Variants in RASGEF1A observed in about 807,000 individuals in gnomAD.
The protein encoded by RASGEF1A is ras-GEF domain-containing family member 1A.
In RASGEF1A, 18 loss-of-function variants were observed where a neutral mutation model predicts 56.4. The observed-to-expected ratio is 0.32, with a 90% CI of 0.22 to 0.47. RASGEF1A has a LOEUF of 0.47. Among genes scored for constraint, RASGEF1A ranks in the 20% least tolerant of loss-of-function variants. The probability of loss-of-function intolerance (pLI) is 1.00; values close to 1 mark genes in which losing one functional copy is unlikely to be tolerated. For missense variants in RASGEF1A, 422 were observed against 627.1 expected, an observed-to-expected ratio of 0.67 and a Z score of 3.49; for synonymous variants, 245 against 242.6, an observed-to-expected ratio of 1.01 and a Z score of -0.09.
At chr10:43,251,506 C>A (rs570864725) in intron 1 of RASGEF1A, among the ~76,000 whole-genome samples, 2 of 152,322 alleles carry the variant, frequency 1.3e-5, no homozygotes, top group African/African-American at 4.8e-5. Context: ...GATTGATTTA[C>A]TGCTTCTGCT....
At chr10:43,220,064 C>T (rs1478473367) in intron 1 of RASGEF1A, among the ~76,000 whole-genome samples, 2 of 152,194 alleles carry the variant, frequency 1.3e-5, no homozygotes, top group East Asian at 1.9e-4. Context: ...ACCCCCATGC[C>T]GTGGACACAG....
intron 1 of RASGEF1A, among the ~76,000 whole-genome samples, chr10:43,219,707 G>A (rs149977562): frequency 3.9e-5 from 6 of 152,348 alleles, no homozygotes; most frequent in African/African-American, 7.2e-5. Context: ...ATGGCCAGCC[G>A]CGTAGGCCAC....
rs766662140 is a variant in RASGEF1A, at chr10:43,196,578, G to A, written c.1349-30C>T. On this transcript the variant is annotated intron_variant, in intron 11 of 12. Coordinates refer to ENST00000395810, the MANE Select transcript of RASGEF1A (RefSeq NM_145313.4). This position sits in a 1 kb window ranked among gnomAD's most constrained non-coding sequence, Gnocchi z 4.6. ...GAGATGGGAAAGTCCCTCAGAGCCT[G>A]TGTCCCCATGCAGTGTCTGCCTGAA... The A allele has an allele frequency of 1.2e-6, 2 of 1,600,182 alleles. No homozygotes were observed. Among genetic ancestry groups the A allele is most frequent in the Non-Finnish European group, 1.7e-6 (2 of 1,170,352 alleles).
chr10:43,241,188 G>A (rs1292103907), intron 1 of RASGEF1A, among the ~76,000 whole-genome samples: 3 of 152,074 alleles, frequency 2.0e-5, no homozygotes, highest in Admixed American at 6.5e-5. Context: ...CTATATATTA[G>A]TAAATATAAA....
In RASGEF1A at chr10:43,195,544, T is replaced by C. The variant is rs1839783861; in HGVS notation, c.*700A>G. 1 of 152,512 alleles carries C rather than the reference T, an allele frequency of 6.6e-6. No individual in the cohort carries two copies. Among genetic ancestry groups the C allele is most frequent in the South Asian group, 2.1e-4 (1 of 4,832 alleles). 9.4% of individuals were successfully genotyped at this position (152,512 alleles called of 1,614,324 possible). The stretch of plus-strand genomic sequence containing the variant: ...TTTAGATTTCCTCCTTTCTAAAATG[T>C]AGTTGAAGAATGATTTGCTGGACAC... On this transcript the variant is annotated 3_prime_UTR_variant, in exon 13 of 13. Coordinates refer to ENST00000395810, the MANE Select transcript of RASGEF1A (RefSeq NM_145313.4). The surrounding 1 kb of genome is among the most constrained non-coding windows in gnomAD (Gnocchi z 4.2).
intron 1 of RASGEF1A, among the ~76,000 whole-genome samples, chr10:43,266,124 C>G (rs540029183): frequency 1.3e-5 from 2 of 152,324 alleles, no homozygotes; most frequent in Admixed American, 6.5e-5. Context: ...GCCAGAAATG[C>G]AGGGCACAGG....
rs41301583 is a variant in RASGEF1A, at chr10:43,200,168, C to G, written c.756+14G>C. The G allele has an allele frequency of 6.3e-7, 1 of 1,583,764 alleles. No homozygotes were observed. ...CAGGGCTGGCAGGGGTGCCACAGGC[C>G]TTGGCCCACTTACCCTGTGGTTGTC... On this transcript the variant is annotated intron_variant, in intron 6 of 12. Transcript: ENST00000395810.
rs1840455462 is a variant in RASGEF1A at position 43,238,101 on chromosome 10, G to GT, written c.-7+28743_-7+28744insA. Among the ~76,000 whole-genome samples, 2 of 149,986 alleles carry GT rather than the reference G, an allele frequency of 1.3e-5. 1 individual carries two copies. The highest frequency in any genetic ancestry group is 4.3e-4 in the South Asian group (2 of 4,644). On this transcript the variant is annotated intron_variant, in intron 1 of 12. Transcript: ENST00000395810. ...TGAGACCCGCCTTTGGGGGGCGGAGGGAGGGGGGGTGCTGCAGATTGAGAC... is the reference window on the plus strand; with the variant it reads ...TGAGACCCGCCTTTGGGGGGCGGAGGTGAGGGGGGGTGCTGCAGATTGAGAC...
intron 1 of RASGEF1A, among the ~76,000 whole-genome samples, chr10:43,254,810 T>A (rs1192748327): frequency 1.3e-5 from 2 of 151,948 alleles, no homozygotes; most frequent in Admixed American, 6.5e-5. Flanking sequence ...CCCAGAATAA[T>A]CCCTGACTAA....
Position 43,196,253 on chromosome 10 carries a change from G to A in RASGEF1A, c.1437C>T (p.Asn479=). The change falls in exon 13 of 13, where the codon AAC becomes AAT. Residue 479 remains asparagine, a synonymous_variant. Transcript: ENST00000395810. This position sits in a 1 kb window ranked among gnomAD's most constrained non-coding sequence, Gnocchi z 4.6. ...GCGGGCTGCATCCGCCTCAGGCTCT[G>A]TTCAGAAGGGTGGTCCTAGAGGGGG... ...SWKTLRTTLL[N]RA is the part of the protein sequence containing the mutation. 1 of 1,613,694 alleles carries A rather than the reference G, an allele frequency of 6.2e-7. No individual in the cohort carries two copies. The highest frequency in any genetic ancestry group is 8.5e-7 in the Non-Finnish European group (1 of 1,179,768).
At position 43,201,844 on chromosome 10, in the gene RASGEF1A, C is replaced by G. The variant is rs1564529055; in HGVS notation, c.423G>C (p.Leu141=). The G allele has an allele frequency of 6.2e-7, 1 of 1,610,936 alleles. No homozygotes were observed. The highest frequency in any genetic ancestry group is 2.2e-5 in the East Asian group (1 of 44,828). ...GGGTGACACGGTGTGTGATGGCTTT[C>G]AGCTCGGCCATGGCCTTCTCATCCT... is the stretch of plus-strand genomic sequence containing the variant. ...DFQDEKAMAE[L]KAITHRVTQC... The change falls in exon 4 of 13, where the codon CTG becomes CTC. Residue 141 remains leucine (L), a synonymous_variant. Transcript: ENST00000395810.
At chr10:43,224,052 C>G (rs935073280) in intron 1 of RASGEF1A, among the ~76,000 whole-genome samples, 2 of 152,026 alleles carry the variant, frequency 1.3e-5, no homozygotes, top group Non-Finnish European at 2.9e-5. Context: ...TAGAGTAAAA[C>G]TGTTTAGAAC....
chr10:43,203,708 A>G, intron 2 of RASGEF1A: 1 of 1,162,648 alleles, frequency 8.6e-7, no homozygotes, highest in Non-Finnish European at 1.1e-6. Flanking sequence ...GCCCCACGCC[A>G]CCATAGGGCT....
Position 43,203,374 on chromosome 10 carries a change from G to A in RASGEF1A, c.245C>T (p.Pro82Leu). The A allele has an allele frequency of 6.3e-7, 1 of 1,588,266 alleles. No individual in the cohort carries two copies. Among genetic ancestry groups the A allele is most frequent in the South Asian group, 1.1e-5 (1 of 87,654 alleles). ...CACGCGGGCCAGCAGGTCATGAGGG[G>A]GCATAAAGACCCGGGAGCTCAGGAG... The part of the protein sequence containing the change: ...TFLLSSRVFM[P>L]PHDLLARVGQ... The change falls in exon 3 of 13, where the codon CCC (proline) becomes CTC (leucine). Residue 82 changes from proline (P) to leucine (L), a missense_variant. By Grantham distance (98) the Pro-to-Leu change is moderately conservative (BLOSUM62 -3). Transcript: ENST00000395810.
chr10:43,222,685 G>T (rs946321940), intron 1 of RASGEF1A, among the ~76,000 whole-genome samples: 1 of 152,188 alleles, frequency 6.6e-6, no homozygotes, highest in Admixed American at 6.5e-5. Flanking sequence ...GTGGGTAAAT[G>T]GAAGCAAGTG....
chr10:43,238,396 C>G (rs1178701874), intron 1 of RASGEF1A, among the ~76,000 whole-genome samples: 1 of 152,230 alleles, frequency 6.6e-6, no homozygotes, highest in Non-Finnish European at 1.5e-5. Context: ...CCTTGAGCTG[C>G]TCAGTGTACT....
chr10:43,218,925 C>T (rs995507406), intron 1 of RASGEF1A, among the ~76,000 whole-genome samples: 6 of 152,270 alleles, frequency 3.9e-5, no homozygotes, highest in African/African-American at 9.6e-5. Context: ...GGAATCTGGT[C>T]GTCTCCTCTT....
chr10:43,224,588 G>A (rs1840248863), intron 1 of RASGEF1A, among the ~76,000 whole-genome samples: 1 of 152,188 alleles, frequency 6.6e-6, no homozygotes, highest in South Asian at 2.1e-4. Flanking sequence ...GGCAATTAAT[G>A]TAGGATTCCA....
In RASGEF1A at chr10:43,203,727, C is replaced by T. The variant is rs77794510; in HGVS notation, c.199-307G>A. The T allele has an allele frequency of 2.4e-3, 2,657 of 1,115,054 alleles. 52 individuals are homozygous for T. In the African/African-American group the frequency reaches 0.04, roughly 17 times the overall value. 69.1% of individuals were successfully genotyped at this position (1,115,054 alleles called of 1,614,324 possible). Reference sequence around the variant, plus strand: ...CACGCCACCATAGGGCTAACCCCAGCCTGGGACGTTGGTAGGGCTCCATGG... The same window carrying T: ...CACGCCACCATAGGGCTAACCCCAGTCTGGGACGTTGGTAGGGCTCCATGG... On this transcript the variant is annotated intron_variant, in intron 2 of 12. Transcript: ENST00000395810.
Sources: allele counts gnomAD v4.1 joint callset (sites outside exome capture counted in the v4.1 genomes callset), GRCh38; gene constraint gnomAD v4.1.1; non-coding constraint Gnocchi (gnomAD v3.1); transcripts MANE v1.5; gene names NCBI Gene and HGNC (gene_info 2026-07-23, HGNC 2026-07-21).